Variants in ASTN2 observed in about 807,000 individuals in gnomAD.
ASTN2 encodes astrotactin-2.
ASTN2 carries 54 observed loss-of-function variants against 139.8 expected under a neutral mutation model. That is an observed-to-expected ratio of 0.39 (90% CI 0.31 to 0.48). The LOEUF (loss-of-function observed/expected upper bound fraction) is 0.48, where lower values mean the gene tolerates loss of function less well. Among genes scored for constraint, ASTN2 ranks in the 20% least tolerant of loss-of-function variants. The pLI, the probability that ASTN2 is intolerant of heterozygous loss-of-function variation, is 0.95. For synonymous variants in ASTN2, 756 were observed against 719.5 expected, an observed-to-expected ratio of 1.05 and a Z score of -0.81; for missense variants, 1,565 against 1,725.1, an observed-to-expected ratio of 0.91 and a Z score of 1.64.
chr9:116,765,206 C>G (rs1039167582), intron 13 of ASTN2, among the ~76,000 whole-genome samples: 2 of 152,106 alleles, frequency 1.3e-5, no homozygotes, highest in African/African-American at 4.8e-5. Flanking sequence ...GCCTAATGAA[C>G]CTTTCCTTGC....
chr9:116,537,761 C>G (rs10983226), intron 19 of ASTN2, among the ~76,000 whole-genome samples: 1,866 of 152,210 alleles, frequency 0.012, 34 homozygotes, highest in African/African-American at 0.043. Context: ...GAACAGGATA[C>G]TAACATAGAA....
At chr9:117,060,997 T>C (rs972856998) in intron 5 of ASTN2, among the ~76,000 whole-genome samples, 2 of 152,136 alleles carry the variant, frequency 1.3e-5, no homozygotes, top group African/African-American at 2.4e-5. Context: ...AGGTTTTTTG[T>C]TTTGTTTTTC....
intron 16 of ASTN2, among the ~76,000 whole-genome samples, chr9:116,709,420 T>G (rs907906331): frequency 2.0e-5 from 3 of 152,178 alleles, no homozygotes; most frequent in Non-Finnish European, 4.4e-5. Flanking sequence ...GTTCCTGATT[T>G]TTAGCCCATA....
intron 16 of ASTN2, among the ~76,000 whole-genome samples, chr9:116,714,465 AT>A (rs1474830591): frequency 6.6e-6 from 1 of 152,244 alleles, no homozygotes; most frequent in Non-Finnish European, 1.5e-5. Context: ...GATGATCATA[AT>A]AGCATTTCCT....
At chr9:117,040,244 C>T (rs1349709035) in intron 5 of ASTN2, among the ~76,000 whole-genome samples, 1 of 152,176 alleles carries the variant, frequency 6.6e-6, no homozygotes, top group Non-Finnish European at 1.5e-5. Flanking sequence ...TCACTCCTCC[C>T]TTCCCAATTC....
chr9:116,615,655 C>G (rs1386120512), intron 19 of ASTN2, among the ~76,000 whole-genome samples: 2 of 147,708 alleles, frequency 1.4e-5, no homozygotes, highest in East Asian at 4.0e-4. Context: ...TGTTCTCACT[C>G]ATAGGTGGGA....
At chr9:116,770,388 C>T (rs1829926359) in intron 13 of ASTN2, among the ~76,000 whole-genome samples, 1 of 152,170 alleles carries the variant, frequency 6.6e-6, no homozygotes, top group African/African-American at 2.4e-5. Context: ...ACAGCAGCTA[C>T]CAGTTGCTGA....
chr9:116,712,796 C>T (rs565858437), intron 16 of ASTN2, among the ~76,000 whole-genome samples: 4 of 152,320 alleles, frequency 2.6e-5, no homozygotes, highest in African/African-American at 4.8e-5. Flanking sequence ...CAAAAATATA[C>T]CTTTCATTGT....
At chr9:117,113,603 C>T (rs369019998) in intron 4 of ASTN2, among the ~76,000 whole-genome samples, 7 of 152,206 alleles carry the variant, frequency 4.6e-5, no homozygotes, top group South Asian at 2.1e-4. Flanking sequence ...TTGCAGTGAG[C>T]CGAGATCGCA....
At chr9:117,210,862 T>C (rs1323917888) in intron 3 of ASTN2, among the ~76,000 whole-genome samples, 5 of 151,702 alleles carry the variant, frequency 3.3e-5, no homozygotes, top group Non-Finnish European at 5.9e-5. Flanking sequence ...CATGATCAAG[T>C]GGTATTTATC....
At chr9:117,179,392 C>A (rs899645062) in intron 3 of ASTN2, among the ~76,000 whole-genome samples, 5 of 151,952 alleles carry the variant, frequency 3.3e-5, no homozygotes, top group African/African-American at 1.2e-4. Flanking sequence ...ATATAGTCAT[C>A]TTGAGATAAG....
At chr9:116,679,320 G>A (rs1859693355) in intron 16 of ASTN2, among the ~76,000 whole-genome samples, 1 of 151,996 alleles carries the variant, frequency 6.6e-6, no homozygotes, top group South Asian at 2.1e-4. Flanking sequence ...ATTAAATCCT[G>A]TAAAGTCCAA....
Position 116,425,617 on chromosome 9 carries a change from C to T in ASTN2, c.*234G>A, listed in dbSNP as rs893466741. 3.1e-6 allele frequency: 5 copies of T among 1,612,580 alleles called. No homozygotes were observed. Among genetic ancestry groups the T allele is most frequent in the Non-Finnish European group, 4.2e-6 (5 of 1,179,654 alleles). ...AAAAAGGAGAGACTTTTGATAGAGT[C>T]AAATAATATCTTTGAAAAAATAAAA... On this transcript the variant is annotated 3_prime_UTR_variant, in exon 23 of 23. Coordinates refer to ENST00000313400, the MANE Select transcript of ASTN2 (RefSeq NM_001365068.1).
intron 10 of ASTN2, among the ~76,000 whole-genome samples, chr9:116,889,503 T>C (rs1410288092): frequency 6.6e-6 from 1 of 152,118 alleles, no homozygotes; most frequent in Non-Finnish European, 1.5e-5. Context: ...GAGTATGCTG[T>C]GTGTTTGCTC....
At position 116,885,680 on chromosome 9, in the gene ASTN2, A is replaced by AAAAC. The variant is rs1175573753; in HGVS notation, c.1890-21951_1890-21948dup. Among the ~76,000 whole-genome samples, 14 of 152,246 alleles carry AAAAC rather than the reference A, an allele frequency of 9.2e-5. 1 individual carries two copies. The South Asian group carries it at 2.9e-3, about 32-fold the overall frequency. ...AACTCCATCTCAAACAAAACAAAAC[A>AAAAC]AAACAAACAAACAAAAAAAAACCTC... On this transcript the variant is annotated intron_variant, in intron 10 of 22. Coordinates refer to ENST00000313400, the MANE Select transcript of ASTN2 (RefSeq NM_001365068.1).
chr9:117,239,855 CATTTGCTGTGTGTTTACTAGGT>C (rs1833154787), intron 2 of ASTN2, among the ~76,000 whole-genome samples: 1 of 152,106 alleles, frequency 6.6e-6, no homozygotes, highest in Non-Finnish European at 1.5e-5. Context: ...ATAAAGAAAG[CATTTGCTGTGTGTTTACTAGGT>C]ACCAGGAATG....
chr9:117,170,742 G>A (rs1830772465), intron 3 of ASTN2, among the ~76,000 whole-genome samples: 1 of 152,034 alleles, frequency 6.6e-6, no homozygotes, highest in African/African-American at 2.4e-5. Context: ...AACACCTTGA[G>A]GCAGAAGCAG....
chr9:116,821,609 C>T (rs920442265), intron 11 of ASTN2, among the ~76,000 whole-genome samples: 3 of 152,148 alleles, frequency 2.0e-5, no homozygotes, highest in African/African-American at 7.2e-5. Context: ...CATCACTCCC[C>T]AGCTTAAATA....
intron 4 of ASTN2, among the ~76,000 whole-genome samples, chr9:117,131,453 G>A (rs1236761082): frequency 7.9e-4 from 121 of 152,236 alleles, no homozygotes; most frequent in Non-Finnish European, 3.5e-4. Flanking sequence ...TTTTCTTGAT[G>A]TATTTTGAAA....
Sources: allele counts gnomAD v4.1 joint callset (sites outside exome capture counted in the v4.1 genomes callset), GRCh38; gene constraint gnomAD v4.1.1; transcripts MANE v1.5; gene names NCBI Gene and HGNC (gene_info 2026-07-23, HGNC 2026-07-21).